The following TPRA1 variants were observed in gnomAD, a reference collection of about 807,000 sequenced individuals.
The protein encoded by TPRA1 is transmembrane protein adipocyte-associated 1.
In TPRA1, 28 loss-of-function variants were observed where a neutral mutation model predicts 40.1. That is an observed-to-expected ratio of 0.70 (90% CI 0.52 to 0.96). The LOEUF is 0.96. Among genes scored for constraint, TPRA1 ranks in the 40% least tolerant of loss-of-function variants. The pLI is 0.00. For missense variants in TPRA1, 441 were observed against 482.6 expected (o/e 0.91, Z 0.81); for synonymous variants, 219 against 209.7 (o/e 1.04, Z -0.38).
Position 127,576,178 on chromosome 3 carries a change from A to C in TPRA1, c.499-128T>G, listed in dbSNP as rs2073616703. On this transcript the variant is annotated intron_variant, in intron 6 of 10. Coordinates refer to ENST00000355552, the MANE Select transcript of TPRA1 (RefSeq NM_001136053.4). The surrounding 1 kb of genome is among the most constrained non-coding windows in gnomAD (Gnocchi z 4.6). Reference sequence around the variant, plus strand: ...AGTTCAGCCTCTTGGCCTGACCCTCAACTCACCTGCCCCAGTCTGCTCCCT... The same window carrying C: ...AGTTCAGCCTCTTGGCCTGACCCTCCACTCACCTGCCCCAGTCTGCTCCCT... 1 of 724,656 alleles carries C rather than the reference A, an allele frequency of 1.4e-6. No homozygotes were observed. The highest frequency in any genetic ancestry group is 2.4e-6 in the Non-Finnish European group (1 of 421,750). The allele number at this position is 724,656 out of a possible 1,614,324, so 44.9% of individuals were successfully genotyped here. A position where few individuals can be genotyped will look rare whatever the true frequency, so the allele number is the denominator to read the frequency against.
chr3:127,586,232 C>T (rs114058810), intron 1 of TPRA1, among the ~76,000 whole-genome samples: 1,908 of 152,302 alleles, frequency 0.013, 22 homozygotes, highest in Non-Finnish European at 0.019. Flanking sequence ...CAGCGCGCCT[C>T]CTGCATGACT....
intron 1 of TPRA1, among the ~76,000 whole-genome samples, chr3:127,585,364 G>T (rs1436150764): frequency 6.6e-6 from 1 of 152,224 alleles, no homozygotes; most frequent in Non-Finnish European, 1.5e-5. Flanking sequence ...GCAGGGCCAG[G>T]TCCCACATGC....
chr3:127,577,472 G>A (rs894611172), intron 3 of TPRA1, among the ~76,000 whole-genome samples: 1 of 152,320 alleles, frequency 6.6e-6, no homozygotes, highest in Non-Finnish European at 1.5e-5. Flanking sequence ...AAAACCTACT[G>A]TGTTTGATTG....
chr3:127,572,976 G>C lies in TPRA1; in HGVS notation c.*545C>G, dbSNP rs904883289. ...CTGGGGACTGCTCCTTGGTTGAGCAGAGGCCCCCTGAGCCTCCCAGCCCCT... is the reference window on the plus strand; with the variant it reads ...CTGGGGACTGCTCCTTGGTTGAGCACAGGCCCCCTGAGCCTCCCAGCCCCT... On this transcript the variant is annotated 3_prime_UTR_variant, in exon 11 of 11. Transcript: ENST00000355552. 6.6e-6 allele frequency: 1 copy of C among 152,296 alleles called. No individual in the cohort carries two copies. Among genetic ancestry groups the C allele is most frequent in the Non-Finnish European group, 1.5e-5 (1 of 68,112 alleles). 9.4% of individuals were successfully genotyped at this position (152,296 alleles called of 1,614,324 possible). A position where few individuals can be genotyped will look rare whatever the true frequency, so the allele number is the denominator to read the frequency against.
chr3:127,574,991 T>A, intron 10 of TPRA1, 194 bp downstream of exon 10: 1 of 628,698 alleles, frequency 1.6e-6, no homozygotes, highest in Non-Finnish European at 2.8e-6. Flanking sequence ...CATGCACATG[T>A]GGGTGGGTGT....
Position 127,572,811 on chromosome 3 carries a change from GA to G in TPRA1, c.*709del, listed in dbSNP as rs1559826372. ...CAACAGTGTGTGTCTGACAAAGGGA[GA>G]GGGGCTGGCTCACAAAACATAGTTC... On this transcript the variant is annotated 3_prime_UTR_variant, in exon 11 of 11. Transcript: ENST00000355552. Among the ~76,000 whole-genome samples, 1 of 152,208 alleles carries G rather than the reference GA, an allele frequency of 6.6e-6. No individual in the cohort carries two copies. Among genetic ancestry groups the G allele is most frequent in the Non-Finnish European group, 1.5e-5 (1 of 68,040 alleles).
chr3:127,596,315 G>A (rs2074239913), intron 1 of TPRA1, among the ~76,000 whole-genome samples: 1 of 152,150 alleles, frequency 6.6e-6, no homozygotes, highest in Admixed American at 6.5e-5. Context: ...CTGACCTCAG[G>A]TGATCCACCT....
Position 127,576,630 on chromosome 3 carries a change from T to G in TPRA1, c.485A>C (p.Tyr162Ser). 1 of 1,607,176 alleles carries G rather than the reference T, an allele frequency of 6.2e-7. No individual in the cohort carries two copies. The highest frequency in any genetic ancestry group is 8.5e-7 in the Non-Finnish European group (1 of 1,176,876). Residue 162 changes from tyrosine (Y) to serine (S), a missense_variant, in exon 6 of 11, where the codon TAC becomes TCC. Tyr to Ser is a moderately radical substitution (Grantham distance 144, BLOSUM62 -2). Transcript: ENST00000355552. The surrounding 1 kb of genome is among the most constrained non-coding windows in gnomAD (Gnocchi z 4.6). ...LAITTVLSLA[Y>S]SVTQGTLEIL... ...TCACCCTCTTACCTGGGTGACAGAG[T>G]AGGCCAGGGACAGCACTGTGGTGAT...
intron 10 of TPRA1, among the ~76,000 whole-genome samples, chr3:127,574,800 G>C (rs949891572): frequency 6.6e-6 from 1 of 152,220 alleles, no homozygotes; most frequent in African/African-American, 2.4e-5. Context: ...TGTATATGTG[G>C]ATATGTGCAT....
In TPRA1 at chr3:127,576,452, G is replaced by C. The variant is rs771364494; in HGVS notation, c.498+165C>G. On this transcript the variant is annotated intron_variant, in intron 6 of 10. Transcript: ENST00000355552. This position sits in a 1 kb window ranked among gnomAD's most constrained non-coding sequence, Gnocchi z 4.6. ...GCCCACTGGATCCAAATCTCCAGGG[G>C]ACCCCAGAATGTGCCTCGGTAACAA... Among the ~76,000 whole-genome samples the C allele has an allele frequency of 1.2e-4, 19 of 152,196 alleles. No individual in the cohort carries two copies. Among genetic ancestry groups the C allele is most frequent in the Admixed American group, 3.9e-4 (6 of 15,278 alleles).
chr3:127,586,042 G>C (rs1411876318), intron 1 of TPRA1, among the ~76,000 whole-genome samples: 1 of 152,208 alleles, frequency 6.6e-6, no homozygotes, highest in Non-Finnish European at 1.5e-5. Flanking sequence ...AGTGGCTCTG[G>C]TCGAAGTCAA....
intron 1 of TPRA1, among the ~76,000 whole-genome samples, chr3:127,595,984 T>C (rs1026296511): frequency 3.9e-5 from 6 of 152,174 alleles, no homozygotes; most frequent in African/African-American, 1.4e-4. Context: ...TTGAAAGACC[T>C]TGAAGAAGAG....
rs1056219593 is a variant in TPRA1 at position 127,572,222 on chromosome 3, T to A, written c.*1299A>T. ...TGGAGCTTGTGCCCTCGGCACCCCATTCCCCCCTAAAAAAAAAAGGCTGAT... is the reference window on the plus strand; with the variant it reads ...TGGAGCTTGTGCCCTCGGCACCCCAATCCCCCCTAAAAAAAAAAGGCTGAT... On this transcript the variant is annotated 3_prime_UTR_variant, in exon 11 of 11. Transcript: ENST00000355552. 2.6e-5 allele frequency among the ~76,000 whole-genome samples: 4 copies of A among 152,030 alleles called. No individual in the cohort carries two copies. The highest frequency in any genetic ancestry group is 9.7e-5 in the African/African-American group (4 of 41,390).
At chr3:127,577,191 G>A in intron 3 of TPRA1, 115 bp from the exon 4 acceptor site, 1 of 1,080,750 alleles carries the variant, frequency 9.3e-7, no homozygotes, top group Non-Finnish European at 1.4e-6. Context: ...TCGGAAAGGA[G>A]GAAGGCGCAA....
chr3:127,592,978 C>A (rs1292468595), upstream of TPRA1, among the ~76,000 whole-genome samples: 1 of 152,198 alleles, frequency 6.6e-6, no homozygotes, highest in East Asian at 1.9e-4. Context: ...AGTTATTCAT[C>A]TTAAGCTTTC....
chr3:127,594,326 C>T (rs377292385), upstream of TPRA1, among the ~76,000 whole-genome samples: 6 of 152,174 alleles, frequency 3.9e-5, no homozygotes, highest in African/African-American at 1.4e-4. Context: ...GGCTGTCCCT[C>T]AGGCTATGGG....
At chr3:127,583,014 C>T (rs1196404141) in intron 1 of TPRA1, among the ~76,000 whole-genome samples, 1 of 151,862 alleles carries the variant, frequency 6.6e-6, no homozygotes, top group Non-Finnish European at 1.5e-5. Flanking sequence ...GGCATGGTGG[C>T]ACATGCCTGT....
At chr3:127,580,278 A>C in intron 1 of TPRA1, 115 bp from the exon 2 acceptor site, 1 of 1,214,454 alleles carries the variant, frequency 8.2e-7, no homozygotes, top group Non-Finnish European at 1.1e-6. Flanking sequence ...ACCCCTGTAA[A>C]CCACCCTCCC....
At chr3:127,575,651 G>C in intron 8 of TPRA1, 98 bp downstream of exon 8, 1 of 1,536,212 alleles carries the variant, frequency 6.5e-7, no homozygotes, top group South Asian at 1.1e-5. Flanking sequence ...TCCCAGCCTG[G>C]AACTCTACAG....
Sources: allele counts gnomAD v4.1 joint callset (sites outside exome capture counted in the v4.1 genomes callset), GRCh38; gene constraint gnomAD v4.1.1; non-coding constraint Gnocchi (gnomAD v3.1); transcripts MANE v1.5; gene names NCBI Gene and HGNC (gene_info 2026-07-23, HGNC 2026-07-21).